Variants in BTBD9 observed in about 807,000 individuals in gnomAD.
The protein encoded by BTBD9 is BTB/POZ domain-containing protein 9.
BTBD9 carries 49 observed loss-of-function variants against 64.3 expected under a neutral mutation model. The ratio of observed to expected loss-of-function variants is 0.76; its 90% CI spans 0.61 to 0.97. BTBD9 has a LOEUF of 0.97. BTBD9 is among the 50% of genes least tolerant of loss of function. BTBD9 has a pLI of 0.00. For synonymous variants in BTBD9, 260 were observed against 274.7 expected (o/e 0.95, Z 0.53); for missense variants, 598 against 762.1 (o/e 0.78, Z 2.53).
intron 8 of BTBD9, among the ~76,000 whole-genome samples, chr6:38,276,360 A>C (rs1361583379): frequency 2.9e-5 from 3 of 105,220 alleles, no homozygotes; most frequent in Admixed American, 2.1e-4. Context: ...GGGTGGGGGG[A>C]GGGGGGAGGG....
intron 2 of BTBD9, chr6:38,595,656 C>T (rs1777000466): frequency 2.6e-6 from 1 of 382,748 alleles, no homozygotes; most frequent in South Asian, 1.1e-4. Context: ...ACTAGCATTT[C>T]AGGTTTACCT....
intron 9 of BTBD9, among the ~76,000 whole-genome samples, chr6:38,233,441 C>T (rs1287270716): frequency 6.6e-6 from 1 of 152,186 alleles, no homozygotes; most frequent in Non-Finnish European, 1.5e-5. Flanking sequence ...TGACCATAGC[C>T]TCCAAATTCT....
At chr6:38,353,364 T>C (rs1018110050) in intron 6 of BTBD9, among the ~76,000 whole-genome samples, 1 of 150,030 alleles carries the variant, frequency 6.7e-6, no homozygotes, top group Non-Finnish European at 1.5e-5. Context: ...GAAAATGAGA[T>C]GTGGAGTATA....
chr6:38,452,081 T>C lies in BTBD9; in HGVS notation c.1155-106988A>G, dbSNP rs1044330347. Among the ~76,000 whole-genome samples, 3 of 152,134 alleles carry C rather than the reference T, an allele frequency of 2.0e-5. No individual in the cohort carries two copies. In the East Asian group the frequency reaches 5.8e-4, roughly 29 times the overall value. ...CTCCCTGTTCCATTTCTCCATTTTATCCTCACAGATAACAATAACAGGAAC... is the reference window on the plus strand; with the variant it reads ...CTCCCTGTTCCATTTCTCCATTTTACCCTCACAGATAACAATAACAGGAAC... On this transcript the variant is annotated intron_variant, in intron 6 of 10. Transcript: ENST00000481247.
intron 6 of BTBD9, chr6:38,481,752 A>T (rs1771156870): frequency 6.6e-6 from 1 of 152,308 alleles, no homozygotes; most frequent in Non-Finnish European, 1.5e-5. Flanking sequence ...GTTCAACAGC[A>T]GTGACCTAGG....
At chr6:38,289,121 C>T (rs1417372657) in intron 7 of BTBD9, among the ~76,000 whole-genome samples, 1 of 150,412 alleles carries the variant, frequency 6.6e-6, no homozygotes, top group Non-Finnish European at 1.5e-5. Flanking sequence ...ACCTGTAACC[C>T]CAGCACTTTG....
intron 6 of BTBD9, among the ~76,000 whole-genome samples, chr6:38,502,131 G>T (rs1772231449): frequency 6.6e-6 from 1 of 152,200 alleles, no homozygotes; most frequent in Non-Finnish European, 1.5e-5. Flanking sequence ...TGCCAGATGG[G>T]GATGTTGTAA....
At chr6:38,204,964 A>C (rs1762583916) in intron 9 of BTBD9, among the ~76,000 whole-genome samples, 1 of 152,224 alleles carries the variant, frequency 6.6e-6, no homozygotes, top group Admixed American at 6.5e-5. Flanking sequence ...TGTAAATTAA[A>C]ACTATGAGCG....
Position 38,594,268 on chromosome 6 carries a change from T to C in BTBD9, c.245A>G (p.Asp82Gly), listed in dbSNP as rs1381472054. ...SQPEAEIPLQ[D>G]TTAEAFTMLL... ...CATTGTGAATGCTTCTGCAGTGGTG[T>C]CTTGGAGAGGAATTTCTGCTTCAGG... Residue 82 changes from aspartate to glycine, a missense_variant, in exon 3 of 11, where the codon GAC becomes GGC. Coordinates refer to ENST00000481247, the MANE Select transcript of BTBD9 (RefSeq NM_001099272.2). 1 of 1,614,148 alleles carries C rather than the reference T, an allele frequency of 6.2e-7. No individual in the cohort carries two copies. Among genetic ancestry groups the C allele is most frequent in the East Asian group, 2.2e-5 (1 of 44,882 alleles).
At chr6:38,440,679 T>C (rs140526512) in intron 6 of BTBD9, among the ~76,000 whole-genome samples, 18 of 152,342 alleles carry the variant, frequency 1.2e-4, no homozygotes, top group African/African-American at 3.8e-4. Context: ...TATAGTAACA[T>C]ATTACTTTTA....
At chr6:38,352,429 C>G (rs984835557) in intron 6 of BTBD9, among the ~76,000 whole-genome samples, 1 of 151,542 alleles carries the variant, frequency 6.6e-6, no homozygotes, top group Admixed American at 6.6e-5. Context: ...CATGAGGAAT[C>G]GGCCAGAAGC....
chr6:38,264,211 T>C (rs886228437), intron 8 of BTBD9, among the ~76,000 whole-genome samples: 2 of 152,022 alleles, frequency 1.3e-5, no homozygotes, highest in African/African-American at 2.4e-5. Flanking sequence ...TCCTCAGCGG[T>C]GGCACTGGGG....
chr6:38,463,568 T>C (rs1173097640), intron 6 of BTBD9, among the ~76,000 whole-genome samples: 1 of 152,216 alleles, frequency 6.6e-6, no homozygotes, highest in Non-Finnish European at 1.5e-5. Flanking sequence ...TTGCTGATAT[T>C]TATTGGGAGT....
intron 9 of BTBD9, among the ~76,000 whole-genome samples, chr6:38,207,851 A>G (rs1464721166): frequency 6.6e-6 from 1 of 152,186 alleles, no homozygotes; most frequent in East Asian, 1.9e-4. Flanking sequence ...TAAAAGAGGA[A>G]AAAGAAAAGC....
At chr6:38,199,894 G>T (rs920266665) in intron 9 of BTBD9, among the ~76,000 whole-genome samples, 1 of 152,244 alleles carries the variant, frequency 6.6e-6, no homozygotes, top group Non-Finnish European at 1.5e-5. Context: ...AGCCTGGGCT[G>T]CTGCCCCTAA....
chr6:38,334,641 TAATA>T (rs1763821722), intron 7 of BTBD9, among the ~76,000 whole-genome samples: 5 of 144,040 alleles, frequency 3.5e-5, no homozygotes, highest in African/African-American at 1.4e-4. Context: ...ATAAATAAAA[TAATA>T]AAATAAAATA....
At position 38,316,487 on chromosome 6, in the gene BTBD9, T is replaced by C. The variant is rs1408660213; in HGVS notation, c.1265-28026A>G. ...TATGTTTTTAGATTTGAGGTTACCA[T>C]GAGACTTGCAAGTAATATGACCCAT... On this transcript the variant is annotated intron_variant, in intron 7 of 10. Transcript: ENST00000481247. Among the ~76,000 whole-genome samples the C allele has an allele frequency of 1.1e-4, 17 of 152,186 alleles. 1 individual carries two copies. Among genetic ancestry groups the C allele is most frequent in the Admixed American group, 1.1e-3 (17 of 15,290 alleles).
intron 6 of BTBD9, among the ~76,000 whole-genome samples, chr6:38,397,353 A>G (rs1766726571): frequency 6.6e-6 from 1 of 152,246 alleles, no homozygotes; most frequent in South Asian, 2.1e-4. Flanking sequence ...ATGGAGATGT[A>G]GAAAAGAAGA....
intron 6 of BTBD9, among the ~76,000 whole-genome samples, chr6:38,369,071 C>T (rs781646519): frequency 1.3e-5 from 2 of 152,030 alleles, no homozygotes; most frequent in African/African-American, 2.4e-5. Flanking sequence ...TCTTTGATTC[C>T]TTTCTCCTCA....
Sources: gnomAD v4.1 joint callset for allele counts (sites outside exome capture counted in the v4.1 genomes callset) on GRCh38, gnomAD v4.1.1 for gene constraint, MANE v1.5 for transcripts, NCBI Gene and HGNC (gene_info 2026-07-23, HGNC 2026-07-21) for gene names.